Variants in ACBD6 observed in about 807,000 individuals in gnomAD.
The protein encoded by ACBD6 is acyl-CoA-binding domain-containing protein 6.
Under a neutral mutation model 37.2 loss-of-function variants are expected in ACBD6, and 28 were observed. The observed-to-expected ratio is 0.75, with a 90% CI of 0.56 to 1.03. The LOEUF (loss-of-function observed/expected upper bound fraction) is 1.03. Ranked by LOEUF, ACBD6 falls within the 50% of genes least tolerant of loss-of-function variation. The probability of loss-of-function intolerance (pLI) is 0.00; values close to 1 mark genes in which losing one functional copy is unlikely to be tolerated. For synonymous variants in ACBD6, 113 were observed against 126.8 expected, an observed-to-expected ratio of 0.89 and a Z score of 0.73; for missense variants, 340 against 337.4, an observed-to-expected ratio of 1.01 and a Z score of -0.06.
At chr1:180,317,466 C>G (rs895724920) in intron 6 of ACBD6, among the ~76,000 whole-genome samples, 1 of 152,064 alleles carries the variant, frequency 6.6e-6, no homozygotes, top group African/African-American at 2.4e-5. Context: ...CTTAATGCCA[C>G]TGAACTGTAC....
At chr1:180,388,362 T>C (rs981105906) in intron 6 of ACBD6, among the ~76,000 whole-genome samples, 1 of 152,076 alleles carries the variant, frequency 6.6e-6, no homozygotes, top group South Asian at 2.1e-4. Flanking sequence ...ATAAGTCTTA[T>C]CAGGAACTGA....
At chr1:180,445,584 C>G (rs995857860) in intron 3 of ACBD6, among the ~76,000 whole-genome samples, 1 of 152,070 alleles carries the variant, frequency 6.6e-6, no homozygotes, top group Non-Finnish European at 1.5e-5. Context: ...ATATAATACA[C>G]TAAGACTCAT....
intron 6 of ACBD6, among the ~76,000 whole-genome samples, chr1:180,338,842 C>G (rs531627002): frequency 0.012 from 1,848 of 152,142 alleles, 17 homozygotes; most frequent in Non-Finnish European, 0.017. Context: ...AAGAAAAAAA[C>G]AAACAACCCC....
intron 4 of ACBD6, among the ~76,000 whole-genome samples, chr1:180,414,750 G>T (rs1211210573): frequency 6.6e-6 from 1 of 152,194 alleles, no homozygotes; most frequent in East Asian, 1.9e-4. Context: ...TAGAGAAAAT[G>T]ATGTAGGTTT....
intron 2 of ACBD6, among the ~76,000 whole-genome samples, chr1:180,493,224 G>T (rs866666422): frequency 9.0e-6 from 1 of 110,812 alleles, no homozygotes; most frequent in Admixed American, 1.2e-4. Context: ...CTCCAGCCTG[G>T]GCAACAGAGC....
Position 180,438,030 on chromosome 1 carries a change from C to T in ACBD6, c.385-7768G>A, listed in dbSNP as rs371695050. ...TGGCCGCACAGCAGGAGATGAGTGG[C>T]GGTTGAGCAAGCATTACCACCTGAG... On this transcript the variant is annotated intron_variant, in intron 3 of 7. Coordinates refer to ENST00000367595, the MANE Select transcript of ACBD6 (RefSeq NM_032360.4). 7.0e-4 allele frequency among the ~76,000 whole-genome samples: 107 copies of T among 152,246 alleles called. 2 individuals are homozygous for T. The South Asian group carries it at 0.021, about 30-fold the overall frequency.
intron 3 of ACBD6, among the ~76,000 whole-genome samples, chr1:180,460,032 C>A (rs967361098): frequency 1.1e-4 from 16 of 145,070 alleles, no homozygotes; most frequent in Admixed American, 5.0e-4. Flanking sequence ...GCACAACGTG[C>A]AGCTTTGTTA....
chr1:180,313,626 C>T (rs1382163606), intron 7 of ACBD6, among the ~76,000 whole-genome samples: 1 of 152,182 alleles, frequency 6.6e-6, no homozygotes, highest in Admixed American at 6.5e-5. Flanking sequence ...AAGTGTATTC[C>T]TTCCCAAAAG....
exon 10 of ACBD6, chr1:180,275,350 C>G (rs1282372561): frequency 1.3e-5 from 2 of 152,192 alleles, no homozygotes; most frequent in Admixed American, 6.5e-5. Context: ...CACAGTGTGC[C>G]TTCTTCAATT....
chr1:180,423,241 A>C (rs548334857), intron 4 of ACBD6, among the ~76,000 whole-genome samples: 199 of 152,350 alleles, frequency 1.3e-3, no homozygotes, highest in Non-Finnish European at 2.2e-3. Flanking sequence ...GAAAAACATC[A>C]ACGTATAAGT....
At chr1:180,332,634 G>C (rs1190574859) in intron 6 of ACBD6, among the ~76,000 whole-genome samples, 2 of 152,054 alleles carry the variant, frequency 1.3e-5, no homozygotes, top group East Asian at 3.8e-4. Context: ...GGACCATCTA[G>C]TTGCAGGAAA....
chr1:180,310,231 G>A (rs114001481), intron 7 of ACBD6, among the ~76,000 whole-genome samples: 2,780 of 152,184 alleles, frequency 0.018, 90 homozygotes, highest in African/African-American at 0.063. Flanking sequence ...GTAGTGGTGC[G>A]TGCCTGTAGT....
intron 6 of ACBD6, among the ~76,000 whole-genome samples, chr1:180,348,657 T>C (rs891258014): frequency 2.0e-5 from 3 of 152,224 alleles, no homozygotes; most frequent in Non-Finnish European, 2.9e-5. Flanking sequence ...TGAATAAGGA[T>C]AGCTTTAGAT....
At chr1:180,394,829 T>C (rs1284159474) in intron 6 of ACBD6, among the ~76,000 whole-genome samples, 1 of 152,144 alleles carries the variant, frequency 6.6e-6, no homozygotes, top group East Asian at 1.9e-4. Flanking sequence ...ATATCAATTA[T>C]AGATGAGTTG....
downstream of ACBD6, among the ~76,000 whole-genome samples, chr1:180,284,380 G>C (rs1446519857): frequency 7.7e-6 from 1 of 129,662 alleles, no homozygotes; most frequent in Non-Finnish European, 1.6e-5. Flanking sequence ...TTTTTTTTTT[G>C]AGAGACGGAG....
chr1:180,456,998 G>A (rs1156294493), intron 3 of ACBD6, among the ~76,000 whole-genome samples: 2 of 151,990 alleles, frequency 1.3e-5, no homozygotes. Context: ...AAACTATATT[G>A]ACTAAAAAGC....
Position 180,397,578 on chromosome 1 carries a change from C to T in ACBD6, c.601G>A (p.Asp201Asn), listed in dbSNP as rs1654311602. ...GTGACTAGTTCCTTATGTCCTCGAT[C>T]ACAGGCCCAGTGAAGTAGAGCCCTA... ...EGRALLHWAC[D>N]RGHKELVTVL... Residue 201 changes from aspartate to asparagine, a missense_variant, in exon 6 of 8, where the codon GAT (aspartate) becomes AAT (asparagine). Physicochemically the swap from Asp to Asn is conservative, Grantham distance 23. Transcript: ENST00000367595. The T allele has an allele frequency of 6.2e-7, 1 of 1,613,924 alleles. No homozygotes were observed. Among genetic ancestry groups the T allele is most frequent in the Non-Finnish European group, 8.5e-7 (1 of 1,179,966 alleles).
intron 3 of ACBD6, among the ~76,000 whole-genome samples, chr1:180,446,427 T>A (rs1010917118): frequency 6.6e-6 from 1 of 152,192 alleles, no homozygotes; most frequent in African/African-American, 2.4e-5. Context: ...AGTTGCTAGA[T>A]TAATACTATC....
chr1:180,400,012 T>C (rs1484528350), intron 5 of ACBD6, among the ~76,000 whole-genome samples: 1 of 152,138 alleles, frequency 6.6e-6, no homozygotes, highest in African/African-American at 2.4e-5. Flanking sequence ...ATAAGATGTA[T>C]AGATAATTTC....
Sources: gnomAD v4.1 joint callset for allele counts (sites outside exome capture counted in the v4.1 genomes callset) on GRCh38, gnomAD v4.1.1 for gene constraint, MANE v1.5 for transcripts, NCBI Gene and HGNC (gene_info 2026-07-23, HGNC 2026-07-21) for gene names.